The following ARID4B variants were observed in gnomAD, a reference collection of about 807,000 sequenced individuals.
ARID4B encodes the protein AT-rich interactive domain-containing protein 4B.
A neutral mutation model predicts 147.5 loss-of-function variants in ARID4B; 26 were observed. That is an observed-to-expected ratio of 0.18 (90% CI 0.13 to 0.24). The LOEUF is 0.24. ARID4B is among the 10% of genes least tolerant of loss of function. The probability of loss-of-function intolerance (pLI) is 1.00; values close to 1 mark genes in which losing one functional copy is unlikely to be tolerated. For missense variants in ARID4B, 1,179 were observed against 1,511.5 expected (o/e 0.78, Z 3.65); for synonymous variants, 512 against 507.9 (o/e 1.01, Z -0.11).
chr1:235,300,498 AT>A (rs1413419211), intron 2 of ARID4B, among the ~76,000 whole-genome samples: 23 of 152,158 alleles, frequency 1.5e-4, no homozygotes, highest in Admixed American at 2.0e-4. Context: ...TCTGGTCCCC[AT>A]TTTCCCTATC....
At chr1:235,319,612 C>T (rs1479880336) in intron 2 of ARID4B, among the ~76,000 whole-genome samples, 1 of 152,172 alleles carries the variant, frequency 6.6e-6, no homozygotes, top group African/African-American at 2.4e-5. Context: ...TCAATGTTCA[C>T]TGCTCACTGA....
chr1:235,282,225 GTTTTGT>G (rs1322468955), intron 2 of ARID4B, among the ~76,000 whole-genome samples: 2 of 152,328 alleles, frequency 1.3e-5, no homozygotes, highest in Non-Finnish European at 2.9e-5. Flanking sequence ...ACTGTTTACA[GTTTTGT>G]TTAATTATAT....
chr1:235,300,458 T>C (rs557231725), intron 2 of ARID4B, among the ~76,000 whole-genome samples: 1 of 151,862 alleles, frequency 6.6e-6, no homozygotes, highest in African/African-American at 2.4e-5. Context: ...GAGGTCAAAA[T>C]TGAGTTCAAC....
At chr1:235,259,807 C>T (rs1670190254) in intron 3 of ARID4B, among the ~76,000 whole-genome samples, 1 of 152,126 alleles carries the variant, frequency 6.6e-6, no homozygotes, top group African/African-American at 2.4e-5. Context: ...GAGACTGATA[C>T]CCTCCACAGA....
chr1:235,293,764 T>A (rs1183860553), intron 2 of ARID4B, among the ~76,000 whole-genome samples: 1 of 152,174 alleles, frequency 6.6e-6, no homozygotes. Flanking sequence ...CCTACCTACT[T>A]AAGAGCTGAT....
intron 16 of ARID4B, among the ~76,000 whole-genome samples, chr1:235,215,297 T>C (rs536589406): frequency 6.6e-6 from 1 of 152,238 alleles, no homozygotes; most frequent in East Asian, 1.9e-4. Flanking sequence ...TTAAAAAATT[T>C]CAATATGAAA....
chr1:235,177,439 TTTTTG>T lies in ARID4B; in HGVS notation c.3448+356_3448+360del, dbSNP rs1349310877. ...ACCTAAGATTAGAAAACCTGTGTTT[TTTTTG>T]TTTTGTTTTGTTTGTTTTTGCAGAA... On this transcript the variant is annotated intron_variant, in intron 21 of 23. Transcript: ENST00000264183. Among the ~76,000 whole-genome samples, 5 of 152,212 alleles carry T rather than the reference TTTTTG, an allele frequency of 3.3e-5. No individual in the cohort carries two copies. The East Asian group carries it at 7.7e-4, about 23-fold the overall frequency.
intron 21 of ARID4B, among the ~76,000 whole-genome samples, chr1:235,176,560 C>T (rs973840518): frequency 6.8e-6 from 1 of 146,488 alleles, no homozygotes; most frequent in African/African-American, 2.5e-5. Flanking sequence ...AATAAAGAAA[C>T]TCCACCACTG....
At chr1:235,288,265 C>T (rs539134741) in intron 2 of ARID4B, among the ~76,000 whole-genome samples, 6 of 152,034 alleles carry the variant, frequency 3.9e-5, no homozygotes, top group Admixed American at 3.9e-4. Context: ...GCTGAGATTG[C>T]ACCACTGCAC....
chr1:235,186,266 C>T (rs1000141554), intron 19 of ARID4B, among the ~76,000 whole-genome samples: 5 of 151,840 alleles, frequency 3.3e-5, no homozygotes, highest in Admixed American at 2.0e-4. Context: ...CGCGCCTGGC[C>T]TCTCTCCTCT....
chr1:235,209,194 G>A (rs1346093426), intron 17 of ARID4B, among the ~76,000 whole-genome samples: 1 of 152,194 alleles, frequency 6.6e-6, no homozygotes, highest in African/African-American at 2.4e-5. Context: ...ATTTATACAG[G>A]TCGGGCGCAG....
At chr1:235,228,581 T>G (rs1035861251) in intron 11 of ARID4B, 21 of 151,566 alleles carry the variant, frequency 1.4e-4, no homozygotes, top group Non-Finnish European at 2.5e-4. Flanking sequence ...CCTCCCAAAG[T>G]GCTACGATTA....
chr1:235,218,723 T>C (rs1465800053), intron 16 of ARID4B, among the ~76,000 whole-genome samples: 1 of 152,210 alleles, frequency 6.6e-6, no homozygotes, highest in African/African-American at 2.4e-5. Flanking sequence ...CAGTAAGGCA[T>C]ACTTCAAATA....
At chr1:235,256,272 T>G (rs1357224975) in intron 4 of ARID4B, among the ~76,000 whole-genome samples, 1 of 151,520 alleles carries the variant, frequency 6.6e-6, no homozygotes, top group African/African-American at 2.4e-5. Context: ...AATACCTAAG[T>G]ACTATTATAA....
At chr1:235,249,813 G>A (rs1352411949) in intron 6 of ARID4B, among the ~76,000 whole-genome samples, 3 of 151,792 alleles carry the variant, frequency 2.0e-5, no homozygotes, top group Non-Finnish European at 4.4e-5. Flanking sequence ...GGTGGCACAC[G>A]ACTGTAGTCC....
intron 2 of ARID4B, among the ~76,000 whole-genome samples, chr1:235,270,298 A>G (rs896343666): frequency 1.3e-5 from 2 of 152,192 alleles, no homozygotes; most frequent in Non-Finnish European, 2.9e-5. Flanking sequence ...AACAAAAAAC[A>G]AAACAAAACA....
chr1:235,216,134 G>A (rs942999482), intron 16 of ARID4B, among the ~76,000 whole-genome samples: 1 of 151,910 alleles, frequency 6.6e-6, no homozygotes, highest in Non-Finnish European at 1.5e-5. Context: ...AAGTAAGTCC[G>A]TGTTCACGAA....
At chr1:235,243,617 A>C (rs1250750843) in intron 7 of ARID4B, among the ~76,000 whole-genome samples, 1 of 152,166 alleles carries the variant, frequency 6.6e-6, no homozygotes, top group Non-Finnish European at 1.5e-5. Flanking sequence ...GTTGTAAATC[A>C]AGAAAGACGA....
At chr1:235,299,471 G>A (rs1046871459) in intron 2 of ARID4B, among the ~76,000 whole-genome samples, 9 of 152,304 alleles carry the variant, frequency 5.9e-5, no homozygotes, top group Non-Finnish European at 8.8e-5. Flanking sequence ...GATTAAAGGC[G>A]TGAGCCACTG....
Sources: allele counts gnomAD v4.1 joint callset (sites outside exome capture counted in the v4.1 genomes callset), GRCh38; gene constraint gnomAD v4.1.1; transcripts MANE v1.5; gene names NCBI Gene and HGNC (gene_info 2026-07-23, HGNC 2026-07-21).